NUP155: variants seen among roughly 807,000 people sequenced by gnomAD.
The protein encoded by NUP155 is nuclear pore complex protein Nup155.
NUP155 carries 71 observed loss-of-function variants against 180.4 expected under a neutral mutation model. The ratio of observed to expected loss-of-function variants is 0.39; its 90% CI spans 0.33 to 0.48. The LOEUF (loss-of-function observed/expected upper bound fraction) is 0.48, where lower values mean the gene tolerates loss of function less well. Among genes scored for constraint, NUP155 ranks in the 20% least tolerant of loss-of-function variants. NUP155 has a pLI of 0.91. For missense variants in NUP155, 1,553 were observed against 1,648.9 expected (o/e 0.94, Z 1.01); for synonymous variants, 582 against 559.5 (o/e 1.04, Z -0.57).
Position 37,352,807 on chromosome 5 carries a change from T to C in NUP155, c.486A>G (p.Arg162=). The C allele has an allele frequency of 1.2e-6, 2 of 1,613,442 alleles. No homozygotes were observed. The highest frequency in any genetic ancestry group is 1.1e-5 in the South Asian group (1 of 91,072). The change falls in exon 5 of 35, where the codon CGA becomes CGG. Residue 162 remains arginine (R), a synonymous_variant. Coordinates refer to ENST00000231498, the MANE Select transcript of NUP155 (RefSeq NM_153485.3). ...CAGGGGTCGCCAAAACCAGGAGGTG[T>C]CGCACATGAGGTTGAAAGATGCCTA... The part of the protein sequence containing the change: ...PKAGIFQPHV[R]HLLVLATPVD...
chr5:37,320,438 A>G (rs760852330), intron 20 of NUP155, among the ~76,000 whole-genome samples: 1 of 152,258 alleles, frequency 6.6e-6, no homozygotes, highest in Non-Finnish European at 1.5e-5. Context: ...GGATCATGCC[A>G]TCGCACTCCA....
chr5:37,340,242 A>G (rs1745622062), intron 11 of NUP155, among the ~76,000 whole-genome samples: 1 of 152,074 alleles, frequency 6.6e-6, no homozygotes, highest in African/African-American at 2.4e-5. Flanking sequence ...GGAGTTTGAG[A>G]CGAGCCTAGG....
chr5:37,304,840 C>G lies in NUP155; in HGVS notation c.3061G>C (p.Glu1021Gln). The G allele has an allele frequency of 6.2e-7, 1 of 1,612,882 alleles. No individual in the cohort carries two copies. The highest frequency in any genetic ancestry group is 8.5e-7 in the Non-Finnish European group (1 of 1,179,012). ...LSNEEAGHHF[E>Q]QMLKLSQRSK... ...CGCTGTGACAATTTAAGCATTTGTT[C>G]AAACTAAAATAAAGAAAATAGTAAA... The change falls in exon 27 of 35, where the codon GAA becomes CAA. Residue 1021 changes from glutamate (E) to glutamine (Q), a missense_variant. Physicochemically the swap from Glu to Gln is conservative, Grantham distance 29. Transcript: ENST00000231498.
chr5:37,326,690 A>G (rs1375807165), intron 18 of NUP155, among the ~76,000 whole-genome samples: 2 of 152,190 alleles, frequency 1.3e-5, no homozygotes, highest in African/African-American at 4.8e-5. Flanking sequence ...AACCTTGAAC[A>G]TGTGAGAGTC....
intron 12 of NUP155, among the ~76,000 whole-genome samples, chr5:37,335,680 C>T (rs920830266): frequency 7.2e-5 from 11 of 152,078 alleles, no homozygotes; most frequent in African/African-American, 1.7e-4. Context: ...CTGGACGACA[C>T]GGCTTACACC....
At chr5:37,306,234 T>C (rs1743145978) in intron 25 of NUP155, among the ~76,000 whole-genome samples, 1 of 150,770 alleles carries the variant, frequency 6.6e-6, no homozygotes, top group Non-Finnish European at 1.5e-5. Flanking sequence ...CTACAGAAAT[T>C]AAAGAGAAAA....
At chr5:37,360,013 G>C (rs1747093881) in intron 3 of NUP155, among the ~76,000 whole-genome samples, 1 of 152,088 alleles carries the variant, frequency 6.6e-6, no homozygotes. Flanking sequence ...AGCTACTCCG[G>C]AGGCTGAGGC....
intron 1 of NUP155, among the ~76,000 whole-genome samples, chr5:37,364,797 C>T (rs972477589): frequency 4.0e-5 from 6 of 151,758 alleles, no homozygotes; most frequent in African/African-American, 4.8e-5. Context: ...CCACCACACC[C>T]GGCTAATTTT....
chr5:37,311,774 CT>C (rs199635972), intron 22 of NUP155, among the ~76,000 whole-genome samples: 5,455 of 151,970 alleles, frequency 0.036, 338 homozygotes, highest in African/African-American at 0.12. Context: ...AATCCCAGCA[CT>C]TTGGGAGGCC....
chr5:37,306,739 A>G (rs1049026989), intron 25 of NUP155, among the ~76,000 whole-genome samples: 19 of 151,950 alleles, frequency 1.3e-4, no homozygotes, highest in African/African-American at 4.6e-4. Flanking sequence ...TGCTGGGATT[A>G]CAGGCGTGAG....
chr5:37,324,713 A>T (rs1336082751), intron 19 of NUP155, among the ~76,000 whole-genome samples: 2 of 152,240 alleles, frequency 1.3e-5, no homozygotes, highest in East Asian at 3.9e-4. Context: ...TATCTGACTA[A>T]TTTTAATCTT....
chr5:37,334,727 T>C (rs1289836964), intron 12 of NUP155, among the ~76,000 whole-genome samples: 8 of 152,194 alleles, frequency 5.3e-5, no homozygotes, highest in African/African-American at 1.9e-4. Flanking sequence ...CTTTTTGTAC[T>C]AGAGGACAAG....
At chr5:37,334,506 G>A (rs921000838) in intron 12 of NUP155, among the ~76,000 whole-genome samples, 6 of 151,862 alleles carry the variant, frequency 4.0e-5, no homozygotes, top group East Asian at 1.9e-4. Context: ...TCAGCCTTCC[G>A]AGTATCTGGG....
At chr5:37,362,489 T>C (rs1747288971) in intron 3 of NUP155, among the ~76,000 whole-genome samples, 1 of 152,142 alleles carries the variant, frequency 6.6e-6, no homozygotes, top group South Asian at 2.1e-4. Flanking sequence ...GCTTTCTCCA[T>C]GTTGGTCAGG....
chr5:37,291,853 GTTTT>G lies in NUP155; in HGVS notation c.*43_*46del. ...ACACCTGATATCTGGACCCAGCTGAGTTTTTATTTTACAGATCATAAAACGGATG... is the reference window on the plus strand; with the variant it reads ...ACACCTGATATCTGGACCCAGCTGAGTATTTTACAGATCATAAAACGGATG... On this transcript the variant is annotated 3_prime_UTR_variant, in exon 35 of 35. Coordinates refer to ENST00000231498, the MANE Select transcript of NUP155 (RefSeq NM_153485.3). The G allele has an allele frequency of 6.3e-7, 1 of 1,578,998 alleles. No homozygotes were observed. Among genetic ancestry groups the G allele is most frequent in the Non-Finnish European group, 8.7e-7 (1 of 1,148,664 alleles).
rs760180178 is a variant in NUP155 at position 37,314,287 on chromosome 5, G to T, written c.2347C>A (p.Gln783Lys). 2 of 1,609,196 alleles carry T rather than the reference G, an allele frequency of 1.2e-6. No homozygotes were observed. The highest frequency in any genetic ancestry group is 1.7e-6 in the Non-Finnish European group (2 of 1,175,832). ...SEKISLQAIQQLVRKSYQALA... is the reference protein window; with the variant it reads ...SEKISLQAIQKLVRKSYQALA... ...GCCTGATATGATTTTCGAACCAACT[G>T]CTGAATTGCCTGAAGTGAAATCTTT... The change falls in exon 22 of 35, where the codon CAG becomes AAG. Residue 783 changes from glutamine (Q) to lysine (K), a missense_variant. Coordinates refer to ENST00000231498, the MANE Select transcript of NUP155 (RefSeq NM_153485.3).
At chr5:37,346,349 T>C (rs555493835) in intron 9 of NUP155, among the ~76,000 whole-genome samples, 2 of 151,908 alleles carry the variant, frequency 1.3e-5, no homozygotes, top group East Asian at 3.9e-4. Context: ...ACAATAGAAG[T>C]TGAAAAATTT....
At chr5:37,340,647 A>G (rs1026659076) in intron 11 of NUP155, among the ~76,000 whole-genome samples, 31 of 152,196 alleles carry the variant, frequency 2.0e-4, no homozygotes, top group African/African-American at 7.2e-4. Context: ...GGGATATAAT[A>G]GTCTTTTCAA....
chr5:37,369,188 G>A (rs906800809), intron 1 of NUP155, among the ~76,000 whole-genome samples: 24 of 152,064 alleles, frequency 1.6e-4, no homozygotes, highest in African/African-American at 4.6e-4. Flanking sequence ...TGAGTTAGAG[G>A]CTGCAATGAG....
Sources: gnomAD v4.1 joint callset for allele counts (sites outside exome capture counted in the v4.1 genomes callset) on GRCh38, gnomAD v4.1.1 for gene constraint, MANE v1.5 for transcripts, NCBI Gene and HGNC (gene_info 2026-07-23, HGNC 2026-07-21) for gene names.